GOLM1: variants seen among roughly 807,000 people sequenced by gnomAD.
GOLM1 encodes golgi membrane protein 1.
In GOLM1, 31 loss-of-function variants were observed where a neutral mutation model predicts 50.5. That is an observed-to-expected ratio of 0.61 (90% CI 0.46 to 0.83). The LOEUF is 0.83. Among genes scored for constraint, GOLM1 ranks in the 40% least tolerant of loss-of-function variants. GOLM1 has a pLI of 0.00. For synonymous variants in GOLM1, 178 were observed against 192.8 expected (o/e 0.92, Z 0.64); for missense variants, 491 against 501.3 (o/e 0.98, Z 0.20).
chr9:86,079,314 CCAT>C lies in GOLM1; in HGVS notation c.4_6del (p.Met2del). 6.3e-7 allele frequency: 1 copy of C among 1,588,700 alleles called. No homozygotes were observed. Among genetic ancestry groups the C allele is most frequent in the South Asian group, 1.1e-5 (1 of 88,712 alleles). On this transcript the variant is annotated inframe_deletion, in exon 2 of 10. Coordinates refer to ENST00000388712, the MANE Select transcript of GOLM1 (RefSeq NM_016548.4). ...ATGCTGCGACGCCCGTTTCCCAAGC[CCAT>C]CATCTCAAAATCAGCGCTGAGAATC...
chr9:86,085,555 G>A (rs1389678644), intron 1 of GOLM1, among the ~76,000 whole-genome samples: 1 of 144,844 alleles, frequency 6.9e-6, no homozygotes, highest in Non-Finnish European at 1.5e-5. Context: ...AGGTATACCT[G>A]TGCCATGATG....
chr9:86,053,297 ACAC>A (rs1356414510), intron 3 of GOLM1, among the ~76,000 whole-genome samples: 8 of 130,884 alleles, frequency 6.1e-5, no homozygotes, highest in African/African-American at 8.8e-5. Context: ...TCCACACCAC[ACAC>A]CACACCAAAC....
rs187118898 is a variant in GOLM1, at chr9:86,052,040, A to C, written c.364+497T>G. On this transcript the variant is annotated intron_variant, in intron 4 of 9. Transcript: ENST00000388712. ...CTGTCACTCCTGTCACAGTGGAAGG[A>C]GCCCCCGACAAAGGACAGCACCCCA... Among the ~76,000 whole-genome samples, 29 of 152,210 alleles carry C rather than the reference A, an allele frequency of 1.9e-4. No individual in the cohort carries two copies. The East Asian group carries it at 4.2e-3, about 22-fold the overall frequency.
chr9:86,098,919 C>A (rs1179961434), intron 1 of GOLM1, among the ~76,000 whole-genome samples: 1 of 152,196 alleles, frequency 6.6e-6, no homozygotes, highest in Non-Finnish European at 1.5e-5. Flanking sequence ...CCCAGGGCGG[C>A]CGGAGCGCGC....
chr9:86,069,136 T>C (rs1244436219), intron 3 of GOLM1, among the ~76,000 whole-genome samples: 1 of 126,128 alleles, frequency 7.9e-6, no homozygotes, highest in African/African-American at 4.2e-5. Context: ...ATGTAATCTC[T>C]ATTTTTTTTT....
chr9:86,096,089 G>A (rs1379911069), intron 1 of GOLM1, among the ~76,000 whole-genome samples: 1 of 151,760 alleles, frequency 6.6e-6, no homozygotes, highest in Non-Finnish European at 1.5e-5. Context: ...GCAGTGATAT[G>A]AGACTTTAAA....
chr9:86,074,922 A>T (rs1834568106), intron 3 of GOLM1, among the ~76,000 whole-genome samples: 1 of 152,204 alleles, frequency 6.6e-6, no homozygotes, highest in Admixed American at 6.5e-5. Context: ...AGGAAAAAAA[A>T]AATCTGCTAC....
intron 1 of GOLM1, chr9:86,080,158 G>A (rs10435951): frequency 0.51 from 78,071 of 152,016 alleles, 20,752 homozygotes; most frequent in Non-Finnish European, 0.59. Flanking sequence ...TTTAGGGACC[G>A]TATCTGTGCA....
chr9:86,079,579 G>C, intron 1 of GOLM1: 1 of 350,488 alleles, frequency 2.9e-6, no homozygotes, highest in East Asian at 4.4e-5. Context: ...GGAGGAGCAG[G>C]CACCGCCCCG....
chr9:86,049,806 CTGCA>C (rs1312791047), intron 4 of GOLM1, among the ~76,000 whole-genome samples: 1 of 152,344 alleles, frequency 6.6e-6, no homozygotes, highest in East Asian at 1.9e-4. Context: ...ATCATGTCAT[CTGCA>C]AACAGGGACA....
In GOLM1 at chr9:86,077,451, G is replaced by T; in HGVS notation, c.270C>A (p.Phe90Leu). Residue 90 changes from phenylalanine to leucine, a missense_variant, in exon 3 of 10, where the codon TTC becomes TTA. Physicochemically the swap from Phe to Leu is conservative, Grantham distance 22 (BLOSUM62 0). Transcript: ENST00000388712. The stretch of plus-strand genomic sequence containing the variant: ...ACAGCTTGTTGACGCTCTCCAGCTG[G>T]AAGTTGTGGCTGGACTGGATTTTGT... The part of the protein sequence containing the change: ...QLDKIQSSHN[F>L]QLESVNKLYQ... 6.2e-6 allele frequency: 10 copies of T among 1,614,132 alleles called. No individual in the cohort carries two copies. The highest frequency in any genetic ancestry group is 8.5e-6 in the Non-Finnish European group (10 of 1,179,946).
Position 86,040,795 on chromosome 9 carries a change from CCT to C in GOLM1, c.539_540del (p.Lys180ArgfsTer3). ...TCTCTGGAAGCTACAGCTTCATTCCCCTTTTTGGTGACCTCTTCTATTCGCTC... is the reference window on the plus strand; with the variant it reads ...TCTCTGGAAGCTACAGCTTCATTCCCTTTTGGTGACCTCTTCTATTCGCTC... Reference protein sequence around the residue: ...CEERIEEVTKKGNEAVASRDL... With the variant: ...CEERIEEVTKXGNEAVASRDL... On this transcript the variant is annotated frameshift_variant, in exon 6 of 10. Transcript: ENST00000388712. LOFTEE classifies it high-confidence loss of function. The C allele has an allele frequency of 1.2e-6, 2 of 1,613,892 alleles. No homozygotes were observed. The highest frequency in any genetic ancestry group is 1.7e-6 in the Non-Finnish European group (2 of 1,179,754).
intron 3 of GOLM1, among the ~76,000 whole-genome samples, chr9:86,068,104 AAT>A (rs952834009): frequency 6.6e-6 from 1 of 152,224 alleles, no homozygotes; most frequent in African/African-American, 2.4e-5. Flanking sequence ...GGCCCTATCC[AAT>A]ATGACTGGTG....
intron 1 of GOLM1, chr9:86,085,127 T>A (rs1410830259): frequency 6.6e-6 from 1 of 152,202 alleles, no homozygotes; most frequent in Non-Finnish European, 1.5e-5. Flanking sequence ...CACAATCTTC[T>A]GCAGCAGGAG....
chr9:86,053,698 C>CCACACCACACACTCCACACCAG (rs1564347621), intron 3 of GOLM1, among the ~76,000 whole-genome samples: 1 of 99,612 alleles, frequency 1.0e-5, no homozygotes, highest in Admixed American at 8.7e-5. Context: ...ACACCACACA[C>CCACACCACACACTCCACACCAG]ATCACATACC....
rs574019044 is a variant in GOLM1, at chr9:86,054,412, T to C, written c.310-1821A>G. On this transcript the variant is annotated intron_variant, in intron 3 of 9. Transcript: ENST00000388712. Reference sequence around the variant, plus strand: ...CCTCCCAAGTAGCTGGGAGTAGAGATGGGGTTTCACCATGTTGGCCAGGCT... The same window carrying C: ...CCTCCCAAGTAGCTGGGAGTAGAGACGGGGTTTCACCATGTTGGCCAGGCT... Among the ~76,000 whole-genome samples, 92 of 152,148 alleles carry C rather than the reference T, an allele frequency of 6.0e-4. No individual in the cohort carries two copies. In the South Asian group the frequency reaches 8.7e-3, roughly 14 times the overall value.
chr9:86,027,076 A>T lies in GOLM1; in HGVS notation c.*741T>A, dbSNP rs1832808690. 1 of 985,306 alleles carries T rather than the reference A, an allele frequency of 1.0e-6. No homozygotes were observed. The highest frequency in any genetic ancestry group is 1.2e-6 in the Non-Finnish European group (1 of 829,896). 61.0% of individuals were successfully genotyped at this position (985,306 alleles called of 1,614,324 possible). A position where few individuals can be genotyped will look rare whatever the true frequency, so the allele number is the denominator to read the frequency against. ...TCTGCTTCTTGCTTTTCTTGGTAAT[A>T]TATATTTAGGGAAGATGTTGCTTTG... On this transcript the variant is annotated 3_prime_UTR_variant, in exon 10 of 10. Coordinates refer to ENST00000388712, the MANE Select transcript of GOLM1 (RefSeq NM_016548.4).
At chr9:86,081,026 C>T (rs1421164108) in intron 1 of GOLM1, among the ~76,000 whole-genome samples, 1 of 152,086 alleles carries the variant, frequency 6.6e-6, no homozygotes, top group African/African-American at 2.4e-5. Context: ...GCTGGGACTA[C>T]AGACATGGGC....
chr9:86,027,094 T>C lies in GOLM1; in HGVS notation c.*723A>G. ...TGGTAATATATATTTAGGGAAGATG[T>C]TGCTTTGCCCACACACGAAGCAAAG... On this transcript the variant is annotated 3_prime_UTR_variant, in exon 10 of 10. Coordinates refer to ENST00000388712, the MANE Select transcript of GOLM1 (RefSeq NM_016548.4). 2.0e-6 allele frequency: 2 copies of C among 985,186 alleles called. No individual in the cohort carries two copies. Among genetic ancestry groups the C allele is most frequent in the Non-Finnish European group, 2.4e-6 (2 of 829,928 alleles). 61.0% of individuals were successfully genotyped at this position (985,186 alleles called of 1,614,324 possible). A position where few individuals can be genotyped will look rare whatever the true frequency, so the allele number is the denominator to read the frequency against.
Sources: allele counts gnomAD v4.1 joint callset (sites outside exome capture counted in the v4.1 genomes callset), GRCh38; gene constraint gnomAD v4.1.1; transcripts MANE v1.5; gene names NCBI Gene and HGNC (gene_info 2026-07-23, HGNC 2026-07-21).